COL25A1: variants seen among roughly 807,000 people sequenced by gnomAD.
The protein encoded by COL25A1 is collagen type XXV alpha 1 chain, also known as collagen alpha-1(XXV) chain.
A neutral mutation model predicts 128.4 loss-of-function variants in COL25A1; 103 were observed. The observed-to-expected ratio is 0.80, with a 90% confidence interval of 0.68 to 0.94. The LOEUF (loss-of-function observed/expected upper bound fraction) is 0.94, where lower values mean the gene tolerates loss of function less well. Among genes scored for constraint, COL25A1 ranks in the 40% least tolerant of loss-of-function variants. The pLI is 0.00. For missense variants in COL25A1, 745 were observed against 840.0 expected, an observed-to-expected ratio of 0.89 and a Z score of 1.40; for synonymous variants, 279 against 277.2, an observed-to-expected ratio of 1.01 and a Z score of -0.06.
At chr4:108,905,865 G>T (rs1180413653) in intron 13 of COL25A1, among the ~76,000 whole-genome samples, 1 of 151,342 alleles carries the variant, frequency 6.6e-6, no homozygotes, top group Admixed American at 6.6e-5. Context: ...GGGGGTGCGG[G>T]GGGAGGCGTG....
At chr4:108,837,503 A>AAAAATCTCT (rs1429479426) in intron 31 of COL25A1, among the ~76,000 whole-genome samples, 3 of 151,728 alleles carry the variant, frequency 2.0e-5, no homozygotes, top group Non-Finnish European at 4.4e-5. Context: ...CATTAAAAAT[A>AAAAATCTCT]AAAATCTCTA....
rs531392095 is a variant in COL25A1 at position 108,935,326 on chromosome 4, G to A, written c.708+2482C>T. 2.6e-4 allele frequency among the ~76,000 whole-genome samples: 39 copies of A among 152,238 alleles called. 1 individual carries two copies. In the South Asian group the frequency reaches 8.1e-3, roughly 32 times the overall value. On this transcript the variant is annotated intron_variant, in intron 11 of 37. Coordinates refer to ENST00000399132, the MANE Select transcript of COL25A1 (RefSeq NM_198721.4). ...AGGCTACCTCTGGGATGGCAACTGG[G>A]GGTAAAGAAGGGTTTAAGATAATGT...
intron 19 of COL25A1, 91 bp from the exon 20 acceptor site, chr4:108,869,241 T>C: frequency 2.7e-6 from 2 of 738,910 alleles, no homozygotes; most frequent in Admixed American, 3.6e-5. Context: ...ACTCATTTTC[T>C]TCTACTGAGA....
chr4:109,161,380 C>T (rs900150045), intron 3 of COL25A1, among the ~76,000 whole-genome samples: 1 of 152,112 alleles, frequency 6.6e-6, no homozygotes, highest in African/African-American at 2.4e-5. Context: ...TTGATAGAAA[C>T]CTGAATTAGT....
At chr4:108,974,884 C>T (rs557427929) in intron 6 of COL25A1, among the ~76,000 whole-genome samples, 1 of 152,318 alleles carries the variant, frequency 6.6e-6, no homozygotes, top group South Asian at 2.1e-4. Context: ...CCTGTTGGGA[C>T]ATTTCCTTGT....
intron 6 of COL25A1, among the ~76,000 whole-genome samples, chr4:108,995,459 T>C (rs1029901593): frequency 1.2e-4 from 19 of 152,296 alleles, no homozygotes; most frequent in African/African-American, 4.6e-4. Flanking sequence ...CCAGGAAATA[T>C]GGGACTATGT....
chr4:108,938,733 T>C (rs979450540), intron 10 of COL25A1, among the ~76,000 whole-genome samples: 5 of 152,298 alleles, frequency 3.3e-5, no homozygotes, highest in African/African-American at 1.2e-4. Flanking sequence ...GGTGGGCACC[T>C]GTAGTCCCAG....
chr4:109,059,592 A>G (rs552030762), intron 3 of COL25A1, among the ~76,000 whole-genome samples: 6 of 152,324 alleles, frequency 3.9e-5, no homozygotes, highest in South Asian at 2.1e-4. Context: ...ATAAAGTTCT[A>G]TTTTACAAAG....
chr4:109,284,839 G>GA (rs5860979), intron 3 of COL25A1, among the ~76,000 whole-genome samples: 23,792 of 124,036 alleles, frequency 0.19, 2,758 homozygotes, highest in African/African-American at 0.36. Context: ...CCCCACCCAG[G>GA]AAAAAAAAAA....
At chr4:109,210,777 C>A (rs1777430847) in intron 3 of COL25A1, among the ~76,000 whole-genome samples, 1 of 152,094 alleles carries the variant, frequency 6.6e-6, no homozygotes, top group South Asian at 2.1e-4. Context: ...CTGGATAAAG[C>A]CTCCCACCTG....
At chr4:109,135,392 G>A (rs891879115) in intron 3 of COL25A1, among the ~76,000 whole-genome samples, 2 of 151,992 alleles carry the variant, frequency 1.3e-5, no homozygotes, top group African/African-American at 4.8e-5. Flanking sequence ...AAAAAGAAAT[G>A]CACAGTCACA....
intron 14 of COL25A1, 31 bp from the exon 15 acceptor site, chr4:108,899,211 C>G (rs1742531759): frequency 1.3e-6 from 2 of 1,595,556 alleles, no homozygotes. Context: ...TGGGTGACAT[C>G]AAATCATAAA....
intron 5 of COL25A1, among the ~76,000 whole-genome samples, chr4:109,043,202 T>C (rs1437654759): frequency 1.3e-5 from 2 of 152,064 alleles, no homozygotes; most frequent in African/African-American, 4.8e-5. Flanking sequence ...GGTAGGTAGC[T>C]GCTATAAATT....
intron 22 of COL25A1, 140 bp from the exon 23 acceptor site, chr4:108,861,111 T>C (rs1737159231): frequency 4.5e-6 from 3 of 667,868 alleles, no homozygotes; most frequent in Middle Eastern, 3.6e-4. Context: ...ACCACCAAAA[T>C]AGCAAATGCT....
chr4:109,083,448 A>ATTT (rs60165291), intron 3 of COL25A1, among the ~76,000 whole-genome samples: 2,852 of 77,018 alleles, frequency 0.037, 310 homozygotes, highest in Admixed American at 0.1. Flanking sequence ...CACTAAATAA[A>ATTT]TTTTTTTTTT....
At chr4:109,186,439 A>G (rs531295040) in intron 3 of COL25A1, among the ~76,000 whole-genome samples, 1 of 152,336 alleles carries the variant, frequency 6.6e-6, no homozygotes, top group African/African-American at 2.4e-5. Flanking sequence ...CAGAAAAGAG[A>G]TCTCTAGCTT....
At chr4:108,842,364 A>G (rs759758993) in intron 30 of COL25A1, among the ~76,000 whole-genome samples, 10 of 152,206 alleles carry the variant, frequency 6.6e-5, no homozygotes, top group Non-Finnish European at 1.3e-4. Flanking sequence ...TTATCAGTGG[A>G]AGAAAGTCAT....
At chr4:109,058,768 C>T (rs1002334095) in intron 3 of COL25A1, among the ~76,000 whole-genome samples, 6 of 152,152 alleles carry the variant, frequency 3.9e-5, no homozygotes, top group African/African-American at 1.4e-4. Flanking sequence ...TACACATATG[C>T]AAATGGCCCA....
At chr4:108,936,306 C>T (rs558884732) in intron 11 of COL25A1, among the ~76,000 whole-genome samples, 4 of 152,234 alleles carry the variant, frequency 2.6e-5, no homozygotes, top group South Asian at 4.1e-4. Flanking sequence ...CGGTGGCTCA[C>T]GCCTGTAATC....
Sources: gnomAD v4.1 joint callset for allele counts (sites outside exome capture counted in the v4.1 genomes callset) on GRCh38, gnomAD v4.1.1 for gene constraint, MANE v1.5 for transcripts, NCBI Gene and HGNC (gene_info 2026-07-23, HGNC 2026-07-21) for gene names.